NCDN: variants seen among roughly 807,000 people sequenced by gnomAD.
The protein encoded by NCDN is neurochondrin.
NCDN carries 9 observed loss-of-function variants against 60.7 expected under a neutral mutation model. That is an observed-to-expected ratio of 0.15 (90% CI 0.09 to 0.26). The LOEUF is 0.26. Ranked by LOEUF, NCDN falls within the 10% of genes least tolerant of loss-of-function variation. The pLI, the probability that NCDN is intolerant of heterozygous loss-of-function variation, is 1.00. For missense variants in NCDN, 578 were observed against 975.2 expected, an observed-to-expected ratio of 0.59 and a Z score of 5.42; for synonymous variants, 409 against 442.5, an observed-to-expected ratio of 0.92 and a Z score of 0.95.
At position 35,563,749 on chromosome 1, in the gene NCDN, C is replaced by T. The variant is rs1198163572; in HGVS notation, c.1611-18C>T. The stretch of plus-strand genomic sequence containing the variant: ...TAGACCCCCACCTACCTCCATCCTT[C>T]CCCCCTTTCTTTTCCAGGCGTGACG... On this transcript the variant is annotated intron_variant, in intron 5 of 6. Transcript: ENST00000373243. The surrounding 1 kb of genome is among the most constrained non-coding windows in gnomAD (Gnocchi z 6.6). The T allele has an allele frequency of 1.9e-6, 3 of 1,612,656 alleles. No individual in the cohort carries two copies. The highest frequency in any genetic ancestry group is 2.5e-6 in the Non-Finnish European group (3 of 1,179,278).
chr1:35,557,993 C>T lies in NCDN; in HGVS notation c.-198C>T. ...GGGACCCTATCGCGACTCCATCGCG[C>T]CATATCGCGACACCATCGTGCCCTG... On this transcript the variant is annotated 5_prime_UTR_variant, in exon 1 of 7. Coordinates refer to ENST00000373243, the MANE Select transcript of NCDN (RefSeq NM_014284.3). 1 of 801,134 alleles carries T rather than the reference C, an allele frequency of 1.2e-6. No homozygotes were observed. Among genetic ancestry groups the T allele is most frequent in the East Asian group, 2.7e-5 (1 of 37,194 alleles). The allele number at this position is 801,134 out of a possible 1,614,324, so 49.6% of individuals were successfully genotyped here.
rs200536942 is a variant in NCDN, at chr1:35,562,516, G to T, written c.1268G>T (p.Arg423Leu). 4.3e-6 allele frequency: 7 copies of T among 1,613,948 alleles called. No homozygotes were observed. The East Asian group carries it at 1.3e-4, about 31-fold the overall frequency. ...EVCQLLPFLV[R>L]YAKTLYEEAE... The stretch of plus-strand genomic sequence containing the variant: ...TGCCAGCTGCTGCCCTTCCTCGTCC[G>T]CTATGCCAAGACCCTCTACGAGGAG... The change falls in exon 4 of 7, where the codon CGC (arginine) becomes CTC (leucine). Residue 423 changes from arginine (R) to leucine (L), a missense_variant. By Grantham distance (102) the Arg-to-Leu change is moderately radical (BLOSUM62 -2). Transcript: ENST00000373243. This position sits in a 1 kb window ranked among gnomAD's most constrained non-coding sequence, Gnocchi z 6.8.
Position 35,558,090 on chromosome 1 carries a change from G to T in NCDN, c.-101G>T. 2 of 1,494,014 alleles carry T rather than the reference G, an allele frequency of 1.3e-6. No individual in the cohort carries two copies. The allele number at this position is 1,494,014 out of a possible 1,614,324, so 92.5% of individuals were successfully genotyped here. A position where few individuals can be genotyped will look rare whatever the true frequency, so the allele number is the denominator to read the frequency against. On this transcript the variant is annotated 5_prime_UTR_variant, in exon 1 of 7. Transcript: ENST00000373243. The surrounding 1 kb of genome is among the most constrained non-coding windows in gnomAD (Gnocchi z 6.3). ...TTTTTTAATTTGCCCTGTCATCTTT[G>T]GGGGCTGTCTCCCATGTCGTGATTT...
chr1:35,558,041 C>G lies in NCDN; in HGVS notation c.-150C>G. 1.7e-6 allele frequency: 2 copies of G among 1,189,048 alleles called. No individual in the cohort carries two copies. The highest frequency in any genetic ancestry group is 2.4e-6 in the Non-Finnish European group (2 of 843,914). 73.7% of individuals were successfully genotyped at this position (1,189,048 alleles called of 1,614,324 possible). A position where few individuals can be genotyped will look rare whatever the true frequency, so the allele number is the denominator to read the frequency against. The stretch of plus-strand genomic sequence containing the variant: ...CTGTCGAGACTCCATTTTGTCACAG[C>G]CCTTTTCAATATATATCTTTTTTTT... On this transcript the variant is annotated 5_prime_UTR_variant, in exon 1 of 7. Coordinates refer to ENST00000373243, the MANE Select transcript of NCDN (RefSeq NM_014284.3). This position sits in a 1 kb window ranked among gnomAD's most constrained non-coding sequence, Gnocchi z 6.3.
Position 35,563,177 on chromosome 1 carries a change from A to T in NCDN, c.1386-25A>T. 7 of 1,589,182 alleles carry T rather than the reference A, an allele frequency of 4.4e-6. No individual in the cohort carries two copies. The highest frequency in any genetic ancestry group is 1.3e-5 in the African/African-American group (1 of 74,348). ...GCCTTCATCTCTCCCAATCCCACAC[A>T]CGTCTGTCCCTTCCACATCCCCAGG... is the stretch of plus-strand genomic sequence containing the variant. On this transcript the variant is annotated intron_variant, in intron 4 of 6. Transcript: ENST00000373243. This position sits in a 1 kb window ranked among gnomAD's most constrained non-coding sequence, Gnocchi z 6.6.
Position 35,558,795 on chromosome 1 carries a change from C to T in NCDN, c.34-312C>T. 1.1e-6 allele frequency: 1 copy of T among 892,690 alleles called. No individual in the cohort carries two copies. The highest frequency in any genetic ancestry group is 1.5e-6 in the Non-Finnish European group (1 of 669,712). 55.3% of individuals were successfully genotyped at this position (892,690 alleles called of 1,614,324 possible). A position where few individuals can be genotyped will look rare whatever the true frequency, so the allele number is the denominator to read the frequency against. On this transcript the variant is annotated intron_variant, in intron 1 of 6. Transcript: ENST00000373243. This position sits in a 1 kb window ranked among gnomAD's most constrained non-coding sequence, Gnocchi z 6.3. ...CCAGGGGGACAGCTGAGCAGTGGGG[C>T]CAGCTCCCGCCCACCCCCAGGAGAC...
rs770583774 is a variant in NCDN, at chr1:35,560,515, G to A, written c.364G>A (p.Ala122Thr). The change falls in exon 3 of 7, where the codon GCC becomes ACC. Residue 122 changes from alanine to threonine, a missense_variant. By Grantham distance (58) the Ala-to-Thr change is moderately conservative. Around this residue, in one of 3 missense-constraint regions of NCDN, gnomAD observed 363 missense variants for 583.6 expected, o/e 0.62. Coordinates refer to ENST00000373243, the MANE Select transcript of NCDN (RefSeq NM_014284.3). The surrounding 1 kb of genome is among the most constrained non-coding windows in gnomAD (Gnocchi z 7.6). ...ACFCSDPELA[A>T]HPQVLNKIPI... ...CTTCTGCAGTGACCCTGAACTGGCC[G>A]CCCATCCCCAAGTCCTGAACAAGAT... 19 of 1,613,746 alleles carry A rather than the reference G, an allele frequency of 1.2e-5. No homozygotes were observed. Among genetic ancestry groups the A allele is most frequent in the Middle Eastern group, 1.6e-4 (1 of 6,084 alleles).
At position 35,558,203 on chromosome 1, in the gene NCDN, G is replaced by GCACA. The variant is rs1648446400; in HGVS notation, c.13_14insCACA (p.Asp5AlafsTer42). On this transcript the variant is annotated frameshift_variant, in exon 1 of 7. Transcript: ENST00000373243. LOFTEE classifies it high-confidence loss of function. The surrounding 1 kb of genome is among the most constrained non-coding windows in gnomAD (Gnocchi z 6.3). ...CGTGACTTCATCAATGTCGTGTTGT[G>GCACA]ACCTGGCTGCGGCGGGACAGGTGGT... 6.2e-7 allele frequency: 1 copy of GCACA among 1,613,928 alleles called. No homozygotes were observed. The highest frequency in any genetic ancestry group is 1.3e-5 in the African/African-American group (1 of 74,882).
rs991550385 is a variant in NCDN, at chr1:35,562,301, T to C, written c.1144-91T>C. 3.9e-6 allele frequency: 6 copies of C among 1,536,170 alleles called. No individual in the cohort carries two copies. The African/African-American group carries it at 6.9e-5, about 18-fold the overall frequency. On this transcript the variant is annotated intron_variant, in intron 3 of 6. Coordinates refer to ENST00000373243, the MANE Select transcript of NCDN (RefSeq NM_014284.3). This position sits in a 1 kb window ranked among gnomAD's most constrained non-coding sequence, Gnocchi z 6.8. ...AAAGGCTCACAGGCCAGAATTTCCT[T>C]CTAGTTGTATTATTTCTAGCTGGCT...
chr1:35,563,861 G>A lies in NCDN; in HGVS notation c.1705G>A (p.Val569Met). 5 of 1,614,142 alleles carry A rather than the reference G, an allele frequency of 3.1e-6. No homozygotes were observed. The highest frequency in any genetic ancestry group is 4.2e-6 in the Non-Finnish European group (5 of 1,180,030). Residue 569 changes from valine to methionine, a missense_variant, in exon 6 of 7, where the codon GTG (valine) becomes ATG (methionine). Val to Met is a conservative substitution (Grantham distance 21). Around this residue, in one of 3 missense-constraint regions of NCDN, gnomAD observed 191 missense variants for 372.1 expected, o/e 0.51. Coordinates refer to ENST00000373243, the MANE Select transcript of NCDN (RefSeq NM_014284.3). The surrounding 1 kb of genome is among the most constrained non-coding windows in gnomAD (Gnocchi z 6.6). ...QQGRLLLAANVATLGLLMARL... is the reference protein window; with the variant it reads ...QQGRLLLAANMATLGLLMARL... The stretch of plus-strand genomic sequence containing the variant: ...GGGAAGGCTGCTTCTGGCTGCTAAT[G>A]TGGCCACCCTGGGGCTCCTCATGGC...
chr1:35,562,682 C>A lies in NCDN; in HGVS notation c.1385+49C>A. ...CCAGCTAGATCATTCTACCGAAAAG[C>A]GTTAACACAAGGACACCCCTCCCCA... On this transcript the variant is annotated intron_variant, in intron 4 of 6. Transcript: ENST00000373243. The surrounding 1 kb of genome is among the most constrained non-coding windows in gnomAD (Gnocchi z 6.8). The A allele has an allele frequency of 6.4e-7, 1 of 1,565,800 alleles. No homozygotes were observed.
At position 35,566,730 on chromosome 1, in the gene NCDN, C is replaced by G; in HGVS notation, c.*1067C>G. On this transcript the variant is annotated 3_prime_UTR_variant, in exon 7 of 7. Coordinates refer to ENST00000373243, the MANE Select transcript of NCDN (RefSeq NM_014284.3). The surrounding 1 kb of genome is among the most constrained non-coding windows in gnomAD (Gnocchi z 5.3). ...CAGTGCGTTCTGTGATCGCCAAGTT[C>G]AAAGCTGTGCACATGTGGACACTCA... 1 of 464,596 alleles carries G rather than the reference C, an allele frequency of 2.2e-6. No individual in the cohort carries two copies. Among genetic ancestry groups the G allele is most frequent in the Non-Finnish European group, 4.4e-6 (1 of 226,194 alleles). 28.8% of individuals were successfully genotyped at this position (464,596 alleles called of 1,614,324 possible).
chr1:35,559,110 G>T lies in NCDN; in HGVS notation c.37G>T (p.Gly13Cys). The T allele has an allele frequency of 1.2e-6, 2 of 1,612,432 alleles. No individual in the cohort carries two copies. The highest frequency in any genetic ancestry group is 1.7e-5 in the Admixed American group (1 of 59,902). Residue 13 changes from glycine (G) to cysteine (C), a missense_variant, in exon 2 of 7, where the codon GGC becomes TGC. This residue lies in a region of NCDN where 363 missense variants were observed against 583.6 expected (regional missense o/e 0.62). Transcript: ENST00000373243. ...TCAGTCCCTCTTGTGTTCACAGTTG[G>T]GCAAGGCGAGCATCATGGCCTCGGA... The part of the protein sequence containing the change: ...CCDLAAAGQL[G>C]KASIMASDCE...
chr1:35,560,973 C>T lies in NCDN; in HGVS notation c.822C>T (p.Ser274=), dbSNP rs765525449. 4 of 1,612,200 alleles carry T rather than the reference C, an allele frequency of 2.5e-6. No individual in the cohort carries two copies. The South Asian group carries it at 4.4e-5, about 18-fold the overall frequency. Residue 274 remains serine (S), a synonymous_variant, in exon 3 of 7, where the codon AGC becomes AGT. Transcript: ENST00000373243. The surrounding 1 kb of genome is among the most constrained non-coding windows in gnomAD (Gnocchi z 7.6). Reference sequence around the variant, plus strand: ...CACGCATCCTGGGAAGCAAGCTGAGCTCCTGGCAGCGCAACCCTGCACTGA... The same window carrying T: ...CACGCATCCTGGGAAGCAAGCTGAGTTCCTGGCAGCGCAACCCTGCACTGA... The part of the protein sequence containing the change: ...GLARILGSKL[S]SWQRNPALKL...
chr1:35,558,755 AC>A lies in NCDN; in HGVS notation c.34-349del. On this transcript the variant is annotated intron_variant, in intron 1 of 6. Transcript: ENST00000373243. This position sits in a 1 kb window ranked among gnomAD's most constrained non-coding sequence, Gnocchi z 6.3. ...CTGTGTCCCTGTGGAGGGAGATAAAACCCAGCCTCCGGTGCCAGGGGGACAG... is the reference window on the plus strand; with the variant it reads ...CTGTGTCCCTGTGGAGGGAGATAAAACCAGCCTCCGGTGCCAGGGGGACAG... 8.8e-7 allele frequency: 1 copy of A among 1,133,420 alleles called. No individual in the cohort carries two copies. The highest frequency in any genetic ancestry group is 1.1e-6 in the Non-Finnish European group (1 of 908,382). The allele number at this position is 1,133,420 out of a possible 1,614,324, so 70.2% of individuals were successfully genotyped here.
chr1:35,560,251 GC>G lies in NCDN; in HGVS notation c.175-71del. 2 of 1,530,994 alleles carry G rather than the reference GC, an allele frequency of 1.3e-6. No homozygotes were observed. The highest frequency in any genetic ancestry group is 1.8e-5 in the Admixed American group (1 of 55,772). 94.8% of individuals were successfully genotyped at this position (1,530,994 alleles called of 1,614,324 possible). A position where few individuals can be genotyped will look rare whatever the true frequency, so the allele number is the denominator to read the frequency against. On this transcript the variant is annotated intron_variant, in intron 2 of 6. Transcript: ENST00000373243. The surrounding 1 kb of genome is among the most constrained non-coding windows in gnomAD (Gnocchi z 7.6). ...TAACCTCATCTTGCTAGTCCTCAGT[GC>G]CCCAGGATGCAGGAGAGGGACAGTC... is the stretch of plus-strand genomic sequence containing the variant.
chr1:35,557,837 G>C lies in NCDN; in HGVS notation c.-354G>C, dbSNP rs953688468. 1.8e-6 allele frequency: 1 copy of C among 554,974 alleles called. No individual in the cohort carries two copies. Among genetic ancestry groups the C allele is most frequent in the East Asian group, 4.1e-5 (1 of 24,360 alleles). 34.4% of individuals were successfully genotyped at this position (554,974 alleles called of 1,614,324 possible). ...GCGTGAGCAGCGGCCCGAGGCTCCC[G>C]GAGCATCGCGCTGGGAGAAGACTTC... On this transcript the variant is annotated 5_prime_UTR_variant, in exon 1 of 7. Transcript: ENST00000373243.
At position 35,559,094 on chromosome 1, in the gene NCDN, C is replaced by T. The variant is rs758308290; in HGVS notation, c.34-13C>T. 1 of 1,602,418 alleles carries T rather than the reference C, an allele frequency of 6.2e-7. No individual in the cohort carries two copies. Among genetic ancestry groups the T allele is most frequent in the Non-Finnish European group, 8.5e-7 (1 of 1,173,184 alleles). ...CTCTGCAGAGGGATGCTCAGTCCCT[C>T]TTGTGTTCACAGTTGGGCAAGGCGA... On this transcript the variant is annotated splice_polypyrimidine_tract_variant and intron_variant, in intron 1 of 6. Transcript: ENST00000373243.
chr1:35,560,459 T>G lies in NCDN; in HGVS notation c.308T>G (p.Leu103Arg). ...EAPDGCPDHVLRALGVALLAC... is the reference protein window; with the variant it reads ...EAPDGCPDHVRRALGVALLAC... The stretch of plus-strand genomic sequence containing the variant: ...CCGGATGGCTGCCCTGACCATGTTC[T>G]GCGGGCTTTGGGTGTGGCCCTGCTG... The change falls in exon 3 of 7, where the codon CTG becomes CGG. Residue 103 changes from leucine to arginine, a missense_variant. Leu to Arg is a moderately radical substitution (Grantham distance 102). Coordinates refer to ENST00000373243, the MANE Select transcript of NCDN (RefSeq NM_014284.3). This position sits in a 1 kb window ranked among gnomAD's most constrained non-coding sequence, Gnocchi z 7.6. 1 of 1,614,062 alleles carries G rather than the reference T, an allele frequency of 6.2e-7. No individual in the cohort carries two copies. Among genetic ancestry groups the G allele is most frequent in the Non-Finnish European group, 8.5e-7 (1 of 1,180,048 alleles).
Sources: allele counts gnomAD v4.1 joint callset, GRCh38; gene constraint gnomAD v4.1.1; regional missense constraint gnomAD v4.1.1; non-coding constraint Gnocchi (gnomAD v3.1); transcripts MANE v1.5; gene names NCBI Gene and HGNC (gene_info 2026-07-23, HGNC 2026-07-21).